The following BCAS3 variants were observed in gnomAD, a reference collection of about 807,000 sequenced individuals.
The protein encoded by BCAS3 is BCAS3 microtubule associated cell migration factor.
In BCAS3, 53 loss-of-function variants were observed where a neutral mutation model predicts 116.1. That is an observed-to-expected ratio of 0.46 (90% CI 0.37 to 0.57). The LOEUF is 0.57. BCAS3 is among the 20% of genes least tolerant of loss of function. The pLI, the probability that BCAS3 is intolerant of heterozygous loss-of-function variation, is 0.00. For missense variants in BCAS3, 917 were observed against 1,165.4 expected (o/e 0.79, Z 3.10); for synonymous variants, 391 against 408.2 (o/e 0.96, Z 0.51).
chr17:61,067,522 T>A (rs904009153), intron 19 of BCAS3, among the ~76,000 whole-genome samples: 2 of 149,132 alleles, frequency 1.3e-5, no homozygotes, highest in Admixed American at 1.3e-4. Context: ...ATCGAGACCA[T>A]CCTGGCCAAC....
intron 22 of BCAS3, among the ~76,000 whole-genome samples, chr17:61,100,975 C>G (rs2074290892): frequency 6.6e-6 from 1 of 152,034 alleles, no homozygotes; most frequent in South Asian, 2.1e-4. Context: ...TCTGTGAAAC[C>G]TTCATTTTTT....
At position 61,277,262 on chromosome 17, in the gene BCAS3, C is replaced by CAAAAA. The variant is rs58849968; in HGVS notation, c.2426-91048_2426-91044dup. ...TGAGTGACAGAGCAAGACCCTGTATCAAAAAAAAAAAAAAAAAAAAAGGTG... is the reference window on the plus strand; with the variant it reads ...TGAGTGACAGAGCAAGACCCTGTATCAAAAAAAAAAAAAAAAAAAAAAAAAAGGTG... On this transcript the variant is annotated intron_variant, in intron 22 of 23. Transcript: ENST00000407086. Among the ~76,000 whole-genome samples, 4 of 101,714 alleles carry CAAAAA rather than the reference C, an allele frequency of 3.9e-5. 1 individual carries two copies. The highest frequency in any genetic ancestry group is 5.6e-5 in the Non-Finnish European group (3 of 53,698). The allele number at this position is 101,714 out of a possible 152,430, so 66.7% of individuals were successfully genotyped here.
At chr17:61,273,500 A>T (rs918124003) in intron 22 of BCAS3, among the ~76,000 whole-genome samples, 1 of 151,904 alleles carries the variant, frequency 6.6e-6, no homozygotes, top group Admixed American at 6.6e-5. Flanking sequence ...AGATTTGTTT[A>T]TCTGTTTCTC....
At chr17:60,747,397 C>G in intron 6 of BCAS3, 118 bp downstream of exon 6, 1 of 739,878 alleles carries the variant, frequency 1.4e-6, no homozygotes, top group Non-Finnish European at 2.2e-6. Flanking sequence ...GTCCATTCCC[C>G]TTCCCCACCT....
intron 6 of BCAS3, among the ~76,000 whole-genome samples, chr17:60,775,401 A>G (rs1333515161): frequency 6.6e-6 from 1 of 152,052 alleles, no homozygotes; most frequent in Non-Finnish European, 1.5e-5. Context: ...TTCTTTCCCC[A>G]TGATGCTTTT....
chr17:60,837,621 G>A (rs1464254719), intron 7 of BCAS3, among the ~76,000 whole-genome samples: 1 of 150,238 alleles, frequency 6.7e-6, no homozygotes, highest in East Asian at 1.9e-4. Flanking sequence ...CCTGGGAGCA[G>A]TTTAAAATTG....
chr17:61,016,885 C>G (rs1175601256), intron 16 of BCAS3: 1 of 152,130 alleles, frequency 6.6e-6, no homozygotes, highest in Non-Finnish European at 1.5e-5. Flanking sequence ...ACTCAGTAGT[C>G]TCAGGGACAA....
chr17:61,148,071 A>G (rs928230285), intron 22 of BCAS3, among the ~76,000 whole-genome samples: 3 of 152,226 alleles, frequency 2.0e-5, no homozygotes, highest in Non-Finnish European at 2.9e-5. Flanking sequence ...AAATTCCACA[A>G]GGAACATTGT....
chr17:60,857,336 ACTT>A (rs562002099), intron 7 of BCAS3, among the ~76,000 whole-genome samples: 3 of 152,082 alleles, frequency 2.0e-5, no homozygotes, highest in Non-Finnish European at 2.9e-5. Context: ...GGCTCTAAAA[ACTT>A]CTTCTAGGAA....
At chr17:60,710,709 G>T (rs1488373521) in intron 5 of BCAS3, among the ~76,000 whole-genome samples, 1 of 151,926 alleles carries the variant, frequency 6.6e-6, no homozygotes, top group East Asian at 1.9e-4. Flanking sequence ...GGGATTACAG[G>T]TGTGAGCCAC....
intron 5 of BCAS3, among the ~76,000 whole-genome samples, chr17:60,740,604 G>C (rs1210298566): frequency 1.3e-5 from 2 of 152,102 alleles, no homozygotes; most frequent in African/African-American, 4.8e-5. Context: ...GGTGTGTGGG[G>C]AGGGAAACCA....
chr17:60,810,462 G>C (rs1300005532), intron 7 of BCAS3: 6 of 650,876 alleles, frequency 9.2e-6, no homozygotes, highest in Non-Finnish European at 1.7e-5. Context: ...ACAGAGCAAG[G>C]AGCGTGGAGA....
At chr17:60,783,420 G>T (rs572277374) in intron 6 of BCAS3, among the ~76,000 whole-genome samples, 1 of 152,220 alleles carries the variant, frequency 6.6e-6, no homozygotes, top group East Asian at 1.9e-4. Context: ...GCCCAGGCTG[G>T]TCTCAAACTC....
At chr17:61,035,927 A>G (rs1162823302) in intron 17 of BCAS3, among the ~76,000 whole-genome samples, 2 of 152,132 alleles carry the variant, frequency 1.3e-5, no homozygotes, top group African/African-American at 2.4e-5. Context: ...AAGCTTATGA[A>G]TTGTTTATTT....
At chr17:60,727,810 CTTTT>C (rs756342642) in intron 5 of BCAS3, among the ~76,000 whole-genome samples, 5 of 139,704 alleles carry the variant, frequency 3.6e-5, no homozygotes, top group African/African-American at 5.3e-5. Context: ...TACTTTTTTC[CTTTT>C]TTTTTTTTTT....
intron 22 of BCAS3, among the ~76,000 whole-genome samples, chr17:61,273,887 T>C (rs2050527490): frequency 1.3e-5 from 2 of 151,460 alleles, no homozygotes; most frequent in African/African-American, 4.8e-5. Flanking sequence ...GTTCTTTTTA[T>C]ATATCTCCCG....
At chr17:60,913,395 A>C (rs990270676) in intron 12 of BCAS3, among the ~76,000 whole-genome samples, 1 of 152,114 alleles carries the variant, frequency 6.6e-6, no homozygotes, top group Non-Finnish European at 1.5e-5. Flanking sequence ...TAGTGTGTAC[A>C]TTTTAAAAAA....
chr17:61,267,299 C>T (rs1015013033), intron 22 of BCAS3, among the ~76,000 whole-genome samples: 7 of 151,902 alleles, frequency 4.6e-5, no homozygotes, highest in Non-Finnish European at 1.0e-4. Flanking sequence ...CCTCATGATC[C>T]GCTCCCCTCG....
chr17:61,363,364 C>T lies in BCAS3; in HGVS notation c.2426-4963C>T, dbSNP rs2058556711. 6.6e-6 allele frequency among the ~76,000 whole-genome samples: 1 copy of T among 152,152 alleles called. No homozygotes were observed. The highest frequency in any genetic ancestry group is 2.1e-4 in the South Asian group (1 of 4,822). ...GGTAGTTGAGCAGGTAAGACTTGAA[C>T]TCATTCTTAGAAAATAGTATTCAGG... On this transcript the variant is annotated intron_variant, in intron 22 of 23. Coordinates refer to ENST00000407086, the MANE Select transcript of BCAS3 (RefSeq NM_017679.5). This position sits in a 1 kb window ranked among gnomAD's most constrained non-coding sequence, Gnocchi z 4.9.
Sources: allele counts gnomAD v4.1 joint callset (sites outside exome capture counted in the v4.1 genomes callset), GRCh38; gene constraint gnomAD v4.1.1; non-coding constraint Gnocchi (gnomAD v3.1); transcripts MANE v1.5; gene names NCBI Gene and HGNC (gene_info 2026-07-23, HGNC 2026-07-21).